The following EPHA5 variants were observed in gnomAD, a reference collection of about 807,000 sequenced individuals.
EPHA5 encodes the protein ephrin type-A receptor 5.
Under a neutral mutation model 105.0 loss-of-function variants are expected in EPHA5, and 60 were observed. The observed-to-expected ratio is 0.57, with a 90% CI of 0.46 to 0.71. EPHA5 has a LOEUF of 0.71. Ranked by LOEUF, EPHA5 falls within the 30% of genes least tolerant of loss-of-function variation. The pLI, the probability that EPHA5 is intolerant of heterozygous loss-of-function variation, is 0.00. For missense variants in EPHA5, 1,218 were observed against 1,274.7 expected, an observed-to-expected ratio of 0.96 and a Z score of 0.68; for synonymous variants, 513 against 449.1, an observed-to-expected ratio of 1.14 and a Z score of -1.80.
chr4:65,329,043 G>T (rs543959742), intron 16 of EPHA5, among the ~76,000 whole-genome samples: 13 of 151,262 alleles, frequency 8.6e-5, no homozygotes, highest in Non-Finnish European at 1.8e-4. Flanking sequence ...AATAACCAAA[G>T]GCTGACAGTA....
chr4:65,514,552 T>C (rs990605660), intron 3 of EPHA5, among the ~76,000 whole-genome samples: 1 of 152,182 alleles, frequency 6.6e-6, no homozygotes, highest in Non-Finnish European at 1.5e-5. Flanking sequence ...CCCTAGACTT[T>C]GAGTTGCCTC....
At chr4:65,473,846 A>G (rs1220488377) in intron 5 of EPHA5, among the ~76,000 whole-genome samples, 2 of 149,246 alleles carry the variant, frequency 1.3e-5, no homozygotes, top group African/African-American at 4.9e-5. Flanking sequence ...TCCCTTTCCC[A>G]TTAGTAGTCC....
intron 3 of EPHA5, among the ~76,000 whole-genome samples, chr4:65,531,839 A>T (rs1429511379): frequency 1.3e-5 from 2 of 152,234 alleles, no homozygotes; most frequent in Admixed American, 1.3e-4. Flanking sequence ...TTTACATGAA[A>T]AAATAAATAA....
rs557434904 is a variant in EPHA5 at position 65,491,854 on chromosome 4, T to C, written c.1067-1142A>G. On this transcript the variant is annotated intron_variant, in intron 4 of 16. Coordinates refer to ENST00000613740, the MANE Select transcript of EPHA5 (RefSeq NM_001281766.3). Reference sequence around the variant, plus strand: ...ATAGAGAGAACAAAAATTAATTAGGTAATTTCTAACACTAGAGTCAATGTT... The same window carrying C: ...ATAGAGAGAACAAAAATTAATTAGGCAATTTCTAACACTAGAGTCAATGTT... 1.5e-3 allele frequency among the ~76,000 whole-genome samples: 222 copies of C among 152,214 alleles called. No individual in the cohort carries two copies. The South Asian group carries it at 0.017, about 12-fold the overall frequency.
chr4:65,457,207 T>C (rs1226701495), intron 5 of EPHA5, among the ~76,000 whole-genome samples: 1 of 152,130 alleles, frequency 6.6e-6, no homozygotes. Context: ...CATACTGTTT[T>C]TGTTAATGGG....
rs1316807876 is a variant in EPHA5, at chr4:65,322,828, TTGTG to T, written c.*1282_*1285del. ...AAGGGAAATAAGCATATATATATAT[TTGTG>T]TGTGTGTATGTGTATATATATATAT... is the stretch of plus-strand genomic sequence containing the variant. On this transcript the variant is annotated 3_prime_UTR_variant, in exon 17 of 17. Coordinates refer to ENST00000613740, the MANE Select transcript of EPHA5 (RefSeq NM_001281766.3). 4.4e-5 allele frequency: 10 copies of T among 227,412 alleles called. No homozygotes were observed. The highest frequency in any genetic ancestry group is 2.6e-5 in the Non-Finnish European group (3 of 114,394). The allele number at this position is 227,412 out of a possible 1,614,324, so 14.1% of individuals were successfully genotyped here. A position where few individuals can be genotyped will look rare whatever the true frequency, so the allele number is the denominator to read the frequency against.
At chr4:65,471,377 A>T (rs938557088) in intron 5 of EPHA5, among the ~76,000 whole-genome samples, 1 of 152,210 alleles carries the variant, frequency 6.6e-6, no homozygotes, top group African/African-American at 2.4e-5. Context: ...TGAAAACAAA[A>T]ATAAATCACT....
intron 5 of EPHA5, among the ~76,000 whole-genome samples, chr4:65,473,985 A>G (rs1263834852): frequency 1.3e-5 from 2 of 150,358 alleles, no homozygotes; most frequent in African/African-American, 4.9e-5. Context: ...ACACTTGGAC[A>G]CAGGAAGGGG....
chr4:65,326,785 T>C (rs1468855550), intron 16 of EPHA5, among the ~76,000 whole-genome samples: 1 of 151,362 alleles, frequency 6.6e-6, no homozygotes. Context: ...GTTGTAATAA[T>C]ATATATGCTT....
At chr4:65,577,817 T>C (rs186630061) in intron 3 of EPHA5, among the ~76,000 whole-genome samples, 57 of 152,244 alleles carry the variant, frequency 3.7e-4, no homozygotes, top group Non-Finnish European at 6.5e-4. Flanking sequence ...AGGGAAAGTA[T>C]GTACTTAGCA....
At chr4:65,539,120 T>G (rs1184088532) in intron 3 of EPHA5, among the ~76,000 whole-genome samples, 1 of 151,582 alleles carries the variant, frequency 6.6e-6, no homozygotes, top group East Asian at 1.9e-4. Flanking sequence ...AGATTTAAAA[T>G]AAGCCAACTG....
chr4:65,378,814 A>G (rs112303200), intron 8 of EPHA5, among the ~76,000 whole-genome samples: 75 of 151,876 alleles, frequency 4.9e-4, no homozygotes, highest in Admixed American at 1.3e-3. Flanking sequence ...TGCATGGTTT[A>G]AACACAATGA....
At chr4:65,532,671 GTTT>G (rs5858965) in intron 3 of EPHA5, among the ~76,000 whole-genome samples, 1,419 of 107,682 alleles carry the variant, frequency 0.013, 7 homozygotes, top group Middle Eastern at 0.017. Context: ...ATTGGTTACA[GTTT>G]TTTTTTTTTT....
intron 3 of EPHA5, among the ~76,000 whole-genome samples, chr4:65,550,858 C>CA (rs1481878432): frequency 2.0e-5 from 3 of 151,550 alleles, no homozygotes; most frequent in Non-Finnish European, 4.4e-5. Context: ...AAAACAAAAA[C>CA]AAAAAACAAC....
In EPHA5 at chr4:65,551,915, G is replaced by A. The variant is rs939160107; in HGVS notation, c.910+49726C>T. ...AAATTTTTAGTAAAATATTTATCAA[G>A]TCTGTATTTGCAAGTATATTTTGGT... On this transcript the variant is annotated intron_variant, in intron 3 of 16. Coordinates refer to ENST00000613740, the MANE Select transcript of EPHA5 (RefSeq NM_001281766.3). Among the ~76,000 whole-genome samples, 4 of 152,210 alleles carry A rather than the reference G, an allele frequency of 2.6e-5. No individual in the cohort carries two copies. In the East Asian group the frequency reaches 5.8e-4, roughly 22 times the overall value.
intron 5 of EPHA5, among the ~76,000 whole-genome samples, chr4:65,479,445 C>A (rs145046868): frequency 6.6e-6 from 1 of 152,142 alleles, no homozygotes; most frequent in Non-Finnish European, 1.5e-5. Flanking sequence ...TGTATTTCTT[C>A]TGAAATAAAT....
rs2149571170 is a variant in EPHA5 at position 65,669,623 on chromosome 4, GA to G, written c.119del (p.Leu40ProfsTer22). ...CGGCGCACAGGAGAAGGCACGTCCAGAGGGGAGCCCGTCGAGGTGCAGAGTA... is the reference window on the plus strand; with the variant it reads ...CGGCGCACAGGAGAAGGCACGTCCAGGGGGAGCCCGTCGAGGTGCAGAGTA... ...GCYSAPRRAP[L>X]WTCLLLCAAL... is the part of the protein sequence containing the mutation. On this transcript the variant is annotated frameshift_variant, in exon 1 of 17. Transcript: ENST00000613740. LOFTEE classifies it high-confidence loss of function. 7.0e-7 allele frequency: 1 copy of G among 1,421,570 alleles called. No individual in the cohort carries two copies. The highest frequency in any genetic ancestry group is 9.2e-7 in the Non-Finnish European group (1 of 1,081,604). 88.1% of individuals were successfully genotyped at this position (1,421,570 alleles called of 1,614,324 possible).
chr4:65,410,542 G>A (rs1337643943), intron 7 of EPHA5, among the ~76,000 whole-genome samples: 4 of 152,082 alleles, frequency 2.6e-5, no homozygotes, highest in African/African-American at 7.2e-5. Flanking sequence ...TGACCAAATG[G>A]CGTAGAATCT....
At chr4:65,653,601 A>T in intron 1 of EPHA5, among the ~76,000 whole-genome samples, 1 of 152,054 alleles carries the variant, frequency 6.6e-6, no homozygotes, top group East Asian at 1.9e-4. Context: ...TATATATCTT[A>T]ACTGTATAAA....
Sources: allele counts gnomAD v4.1 joint callset (sites outside exome capture counted in the v4.1 genomes callset), GRCh38; gene constraint gnomAD v4.1.1; transcripts MANE v1.5; gene names NCBI Gene and HGNC (gene_info 2026-07-23, HGNC 2026-07-21).